WWOX: variants seen among roughly 807,000 people sequenced by gnomAD.
The protein encoded by WWOX is WW domain-containing oxidoreductase.
A neutral mutation model predicts 46.2 loss-of-function variants in WWOX; 69 were observed. The observed-to-expected ratio is 1.49, with a 90% CI of 1.23 to 1.82. The LOEUF is 1.82. Among genes scored for constraint, WWOX ranks in the 40% most tolerant of loss-of-function variants. The pLI, the probability that WWOX is intolerant of heterozygous loss-of-function variation, is 0.00. For synonymous variants in WWOX, 359 were observed against 202.6 expected (o/e 1.77, Z -6.56); for missense variants, 919 against 542.6 (o/e 1.69, Z -6.89).
At chr16:78,891,020 C>T (rs1383453583) in intron 8 of WWOX, 5 of 152,062 alleles carry the variant, frequency 3.3e-5, no homozygotes. Flanking sequence ...TCACAGGTTG[C>T]CTTTCCTAAA....
At chr16:78,757,089 T>C in intron 8 of WWOX, 1 of 697,832 alleles carries the variant, frequency 1.4e-6, no homozygotes. Context: ...TTTGCTGCAA[T>C]CTTGACTGGA....
At chr16:78,411,120 C>A (rs1433921792) in intron 6 of WWOX, among the ~76,000 whole-genome samples, 3 of 152,098 alleles carry the variant, frequency 2.0e-5, no homozygotes, top group Non-Finnish European at 2.9e-5. Flanking sequence ...ATGATTTTTT[C>A]TATATTCTGT....
At chr16:78,263,816 A>T (rs1029713049) in intron 5 of WWOX, among the ~76,000 whole-genome samples, 7 of 152,066 alleles carry the variant, frequency 4.6e-5, no homozygotes, top group Non-Finnish European at 8.8e-5. Context: ...CCTGCCTCCA[A>T]TGAAGCCAAC....
Position 79,145,059 on chromosome 16 carries a change from G to A in WWOX, c.1057-66549G>A, listed in dbSNP as rs900868444. Among the ~76,000 whole-genome samples the A allele has an allele frequency of 5.3e-5, 8 of 152,186 alleles. No homozygotes were observed. The East Asian group carries it at 7.7e-4, about 15-fold the overall frequency. On this transcript the variant is annotated intron_variant, in intron 8 of 8. Coordinates refer to ENST00000566780, the MANE Select transcript of WWOX (RefSeq NM_016373.4). ...CATAAATTTGCCTGTAAGTGAGCGC[G>A]TTCTTGGATTTTGTTGAATGGTGCC...
chr16:78,944,242 C>G (rs1162427325), intron 8 of WWOX, among the ~76,000 whole-genome samples: 1 of 152,118 alleles, frequency 6.6e-6, no homozygotes, highest in African/African-American at 2.4e-5. Context: ...TAAAAGTTGA[C>G]TCTCATAATT....
intron 4 of WWOX, among the ~76,000 whole-genome samples, chr16:78,121,075 A>G (rs766724355): frequency 1.4e-4 from 21 of 152,062 alleles, no homozygotes; most frequent in Non-Finnish European, 2.4e-4. Flanking sequence ...ACACACTCAT[A>G]TGAGATCATT....
chr16:78,530,916 C>G (rs2043606214), intron 8 of WWOX, among the ~76,000 whole-genome samples: 1 of 152,202 alleles, frequency 6.6e-6, no homozygotes, highest in Non-Finnish European at 1.5e-5. Context: ...AATTTCACAA[C>G]TCCATAAAGT....
At chr16:78,622,038 G>T (rs751945705) in intron 8 of WWOX, among the ~76,000 whole-genome samples, 2 of 152,298 alleles carry the variant, frequency 1.3e-5, no homozygotes, top group Middle Eastern at 6.8e-3. Flanking sequence ...TGGCTACCCA[G>T]TTGTTAGCTG....
At chr16:78,438,846 GC>G (rs1455396172) in intron 8 of WWOX, among the ~76,000 whole-genome samples, 2 of 152,120 alleles carry the variant, frequency 1.3e-5, no homozygotes, top group African/African-American at 4.8e-5. Flanking sequence ...TGGTCCTGTT[GC>G]AAAGTTATAA....
In WWOX at chr16:78,914,206, C is replaced by T. The variant is rs1161795470; in HGVS notation, c.1057-297402C>T. 1.3e-4 allele frequency among the ~76,000 whole-genome samples: 20 copies of T among 152,000 alleles called. 1 individual carries two copies. ...TTATTTCTCTGTCTAGCACTTATCA[C>T]TATCTGATATTTTCTGTCTATCCAT... is the stretch of plus-strand genomic sequence containing the variant. On this transcript the variant is annotated intron_variant, in intron 8 of 8. Transcript: ENST00000566780.
intron 8 of WWOX, among the ~76,000 whole-genome samples, chr16:78,710,097 CT>C (rs1310685083): frequency 6.6e-6 from 1 of 151,884 alleles, no homozygotes; most frequent in African/African-American, 2.4e-5. Context: ...TCGTGTGTTT[CT>C]TTTTGCTGGC....
At chr16:78,915,705 A>T (rs2045233909) in intron 8 of WWOX, among the ~76,000 whole-genome samples, 2 of 152,092 alleles carry the variant, frequency 1.3e-5, no homozygotes, top group Admixed American at 6.5e-5. Context: ...ATTTAAAAAA[A>T]AAATTGCACC....
intron 8 of WWOX, among the ~76,000 whole-genome samples, chr16:79,167,081 C>T (rs2050609151): frequency 6.6e-6 from 1 of 152,088 alleles, no homozygotes; most frequent in Non-Finnish European, 1.5e-5. Flanking sequence ...GCTGTGATTA[C>T]AGGTGTGTGC....
chr16:78,633,340 C>CG (rs2046486491), intron 8 of WWOX, among the ~76,000 whole-genome samples: 2 of 152,126 alleles, frequency 1.3e-5, no homozygotes, highest in South Asian at 4.1e-4. Flanking sequence ...CCAACTAGGT[C>CG]GGGACAGGGC....
At position 79,212,106 on chromosome 16, in the gene WWOX, C is replaced by G. The variant is rs963084240; in HGVS notation, c.*310C>G. Reference sequence around the variant, plus strand: ...TCCCTGGAGAAGCACCAGCAATTCTCTTTCTTTTACTGTTATAGAATAGCC... The same window carrying G: ...TCCCTGGAGAAGCACCAGCAATTCTGTTTCTTTTACTGTTATAGAATAGCC... On this transcript the variant is annotated 3_prime_UTR_variant, in exon 9 of 9. Coordinates refer to ENST00000566780, the MANE Select transcript of WWOX (RefSeq NM_016373.4). 2 of 1,535,964 alleles carry G rather than the reference C, an allele frequency of 1.3e-6. No individual in the cohort carries two copies. The highest frequency in any genetic ancestry group is 1.7e-6 in the Non-Finnish European group (2 of 1,146,804).
chr16:78,538,692 A>G (rs1335771651), intron 8 of WWOX, among the ~76,000 whole-genome samples: 1 of 152,192 alleles, frequency 6.6e-6, no homozygotes, highest in East Asian at 1.9e-4. Context: ...ACTAGTAATA[A>G]ATTTGATTGT....
intron 8 of WWOX, among the ~76,000 whole-genome samples, chr16:78,723,799 G>A (rs752998611): frequency 3.3e-5 from 5 of 151,794 alleles, no homozygotes; most frequent in Non-Finnish European, 5.9e-5. Flanking sequence ...TCTTGTTCTC[G>A]TATCACTCAG....
intron 8 of WWOX, among the ~76,000 whole-genome samples, chr16:78,949,206 C>T (rs1567669274): frequency 1.3e-5 from 2 of 152,188 alleles, no homozygotes; most frequent in African/African-American, 2.4e-5. Context: ...GGCTGGCTGA[C>T]ACCTTGTGAG....
intron 8 of WWOX, among the ~76,000 whole-genome samples, chr16:78,519,159 G>A (rs1567618595): frequency 6.6e-6 from 1 of 152,166 alleles, no homozygotes; most frequent in East Asian, 1.9e-4. Flanking sequence ...GTGGCCCCCG[G>A]CCTCAGGGAT....
Sources: allele counts gnomAD v4.1 joint callset (sites outside exome capture counted in the v4.1 genomes callset), GRCh38; gene constraint gnomAD v4.1.1; transcripts MANE v1.5; gene names NCBI Gene and HGNC (gene_info 2026-07-23, HGNC 2026-07-21).